UBE2D4: variants seen among roughly 807,000 people sequenced by gnomAD.
UBE2D4 encodes ubiquitin conjugating enzyme E2 D4, also known as ubiquitin-conjugating enzyme E2 D4.
Under a neutral mutation model 23.0 loss-of-function variants are expected in UBE2D4, and 17 were observed. The ratio of observed to expected loss-of-function variants is 0.74; its 90% CI spans 0.51 to 1.11. UBE2D4 has a LOEUF of 1.11. Ranked by LOEUF, UBE2D4 falls within the 50% of genes least tolerant of loss-of-function variation. The pLI is 0.00. For missense variants in UBE2D4, 139 were observed against 181.8 expected, an observed-to-expected ratio of 0.76 and a Z score of 1.35; for synonymous variants, 61 against 69.4, an observed-to-expected ratio of 0.88 and a Z score of 0.60.
intron 3 of UBE2D4, 45 bp downstream of exon 3, chr7:43,942,902 C>T (rs1476289680): frequency 1.9e-6 from 3 of 1,614,108 alleles, no homozygotes; most frequent in Non-Finnish European, 2.5e-6. Context: ...TTGCTTCTTG[C>T]ACTTTGGGCT....
Position 43,926,495 on chromosome 7 carries a change from C to T in UBE2D4, c.-38C>T. On this transcript the variant is annotated 5_prime_UTR_variant, in exon 1 of 7. Coordinates refer to ENST00000222402, the MANE Select transcript of UBE2D4 (RefSeq NM_015983.4). Reference sequence around the variant, plus strand: ...CCGGCAGCGGGCCGCCTCAGGCAGCCCCGGCCGGGCCGCCCGGGTCCCCGG... The same window carrying T: ...CCGGCAGCGGGCCGCCTCAGGCAGCTCCGGCCGGGCCGCCCGGGTCCCCGG... 1 of 1,488,126 alleles carries T rather than the reference C, an allele frequency of 6.7e-7. No homozygotes were observed. The highest frequency in any genetic ancestry group is 9.0e-7 in the Non-Finnish European group (1 of 1,116,856). 92.2% of individuals were successfully genotyped at this position (1,488,126 alleles called of 1,614,324 possible).
intron 1 of UBE2D4, among the ~76,000 whole-genome samples, chr7:43,931,049 G>A (rs1206394663): frequency 6.6e-6 from 1 of 151,814 alleles, no homozygotes; most frequent in African/African-American, 2.4e-5. Context: ...GCTTGAACCC[G>A]GGAGGCAGAG....
intron 1 of UBE2D4, 85 bp from the exon 2 acceptor site, chr7:43,938,346 A>G (rs764224590): frequency 6.4e-5 from 87 of 1,366,672 alleles, no homozygotes; most frequent in Non-Finnish European, 9.0e-5. Context: ...TCCCACCAGG[A>G]GAATTCCTTC....
At position 43,938,414 on chromosome 7, in the gene UBE2D4, A is replaced by C. The variant is rs2095963176; in HGVS notation, c.25-17A>C. 6.2e-7 allele frequency: 1 copy of C among 1,612,902 alleles called. No individual in the cohort carries two copies. The highest frequency in any genetic ancestry group is 2.2e-5 in the East Asian group (1 of 44,854). On this transcript the variant is annotated splice_polypyrimidine_tract_variant and intron_variant, in intron 1 of 6. Coordinates refer to ENST00000222402, the MANE Select transcript of UBE2D4 (RefSeq NM_015983.4). ...CCCCAGCATACAGCAGCTCTGACCC[A>C]CTCTCTCATGTTCTAGGAATTAACC...
In UBE2D4 at chr7:43,953,868, G is replaced by T. The variant is rs773403118; in HGVS notation, c.*1173G>T. On this transcript the variant is annotated 3_prime_UTR_variant, in exon 7 of 7. Coordinates refer to ENST00000222402, the MANE Select transcript of UBE2D4 (RefSeq NM_015983.4). Reference sequence around the variant, plus strand: ...CTGATCTTTCTAGGTTGGTTATAAAGCTGGTCCACTTCCAGGAAGTGATGT... The same window carrying T: ...CTGATCTTTCTAGGTTGGTTATAAATCTGGTCCACTTCCAGGAAGTGATGT... The T allele has an allele frequency of 6.6e-6, 1 of 152,386 alleles. No homozygotes were observed. Among genetic ancestry groups the T allele is most frequent in the Non-Finnish European group, 1.5e-5 (1 of 68,184 alleles). The allele number at this position is 152,386 out of a possible 1,614,324, so 9.4% of individuals were successfully genotyped here.
At chr7:43,942,375 G>C (rs1334913724) in intron 2 of UBE2D4, 1 of 200,876 alleles carries the variant, frequency 5.0e-6, no homozygotes, top group African/African-American at 2.3e-5. Flanking sequence ...CTGGAGACTG[G>C]AGCCTGAGAT....
chr7:43,931,601 A>C (rs897521357), intron 1 of UBE2D4, among the ~76,000 whole-genome samples: 1 of 42,052 alleles, frequency 2.4e-5, no homozygotes, highest in East Asian at 9.5e-4. Context: ...TGTGGAAGGC[A>C]AACCGGGGTG....
At chr7:43,951,208 A>C (rs2096001658) in intron 6 of UBE2D4, among the ~76,000 whole-genome samples, 1 of 152,204 alleles carries the variant, frequency 6.6e-6, no homozygotes, top group South Asian at 2.1e-4. Context: ...CTCTCTGTTT[A>C]AACACCAATT....
chr7:43,926,693 G>A (rs1022409780), intron 1 of UBE2D4, 137 bp downstream of exon 1: 2 of 913,570 alleles, frequency 2.2e-6, no homozygotes, highest in African/African-American at 1.8e-5. Flanking sequence ...AGGCAGAACA[G>A]CCTCCCGCGC....
chr7:43,942,693 C>G, intron 2 of UBE2D4, 133 bp from the exon 3 acceptor site: 1 of 1,311,266 alleles, frequency 7.6e-7, no homozygotes. Context: ...TGGGGAACCC[C>G]AGTCTTGCAG....
At chr7:43,937,372 A>C (rs1214013913) in intron 1 of UBE2D4, among the ~76,000 whole-genome samples, 1 of 152,244 alleles carries the variant, frequency 6.6e-6, no homozygotes, top group Non-Finnish European at 1.5e-5. Context: ...AGATTTCTGT[A>C]GCTCTTGCAT....
chr7:43,935,026 T>C (rs886796680), intron 1 of UBE2D4, among the ~76,000 whole-genome samples: 13 of 152,222 alleles, frequency 8.5e-5, no homozygotes, highest in African/African-American at 2.7e-4. Context: ...GTACATGCTT[T>C]CAGTGAGCTT....
intron 5 of UBE2D4, 64 bp downstream of exon 5, chr7:43,948,801 G>A (rs768324573): frequency 7.8e-7 from 1 of 1,275,154 alleles, no homozygotes; most frequent in Non-Finnish European, 1.1e-6. Flanking sequence ...AGCACTGACT[G>A]AGTGGAAATG....
At chr7:43,945,204 G>A (rs2095983113) in intron 4 of UBE2D4, among the ~76,000 whole-genome samples, 1 of 152,096 alleles carries the variant, frequency 6.6e-6, no homozygotes, top group South Asian at 2.1e-4. Context: ...TGTTGGGCAG[G>A]CTGGTCTCAA....
At chr7:43,934,128 C>G (rs1317593001) in intron 1 of UBE2D4, among the ~76,000 whole-genome samples, 2 of 152,080 alleles carry the variant, frequency 1.3e-5, no homozygotes, top group Non-Finnish European at 2.9e-5. Flanking sequence ...TTTCCTAATT[C>G]CATGTCAAGC....
At position 43,942,857 on chromosome 7, in the gene UBE2D4, G is replaced by C. The variant is rs752076753; in HGVS notation, c.120G>C (p.Pro40=). 19 of 1,614,052 alleles carry C rather than the reference G, an allele frequency of 1.2e-5. No individual in the cohort carries two copies. The highest frequency in any genetic ancestry group is 1.5e-5 in the Non-Finnish European group (18 of 1,180,048). Residue 40 remains proline, a splice_region_variant and synonymous_variant, in exon 3 of 7, where the codon CCG becomes CCC. Transcript: ENST00000222402. ...ACTGGCAGGCCACCATCATGGGCCCGGTAGGTAGTAGCTGCTGAGCGCACC... is the reference window on the plus strand; with the variant it reads ...ACTGGCAGGCCACCATCATGGGCCCCGTAGGTAGTAGCTGCTGAGCGCACC... ...LFHWQATIMG[P]NDSPYQGGVF... is the part of the protein sequence containing the mutation.
intron 6 of UBE2D4, among the ~76,000 whole-genome samples, chr7:43,951,615 C>T (rs1167657699): frequency 1.3e-5 from 2 of 152,104 alleles, no homozygotes; most frequent in East Asian, 1.9e-4. Context: ...ACTGCAGCCT[C>T]GATCTTCCAG....
At chr7:43,941,932 T>C (rs1336918766) in intron 2 of UBE2D4, 1 of 152,048 alleles carries the variant, frequency 6.6e-6, no homozygotes, top group Non-Finnish European at 1.5e-5. Context: ...AATTTAATCT[T>C]GTCCCCAAAA....
Position 43,953,395 on chromosome 7 carries a change from A to C in UBE2D4, c.*700A>C. On this transcript the variant is annotated 3_prime_UTR_variant, in exon 7 of 7. Transcript: ENST00000222402. ...TTAGAAGCAAGAGCAAAATTATGAA[A>C]CCTCTAGAGATTTGGGTCATGTTAC... 2.9e-6 allele frequency: 1 copy of C among 348,508 alleles called. No homozygotes were observed. The highest frequency in any genetic ancestry group is 5.6e-6 in the Non-Finnish European group (1 of 177,460). 21.6% of individuals were successfully genotyped at this position (348,508 alleles called of 1,614,324 possible).
Sources: gnomAD v4.1 joint callset for allele counts (sites outside exome capture counted in the v4.1 genomes callset) on GRCh38, gnomAD v4.1.1 for gene constraint, MANE v1.5 for transcripts, NCBI Gene and HGNC (gene_info 2026-07-23, HGNC 2026-07-21) for gene names.